BTBD9: variants seen among roughly 807,000 people sequenced by gnomAD.
BTBD9 encodes BTB domain containing 9.
In BTBD9, 49 loss-of-function variants were observed where a neutral mutation model predicts 64.3. The ratio of observed to expected loss-of-function variants is 0.76; its 90% CI spans 0.61 to 0.97. The LOEUF (loss-of-function observed/expected upper bound fraction) is 0.97, where lower values mean the gene tolerates loss of function less well. Ranked by LOEUF, BTBD9 falls within the 50% of genes least tolerant of loss-of-function variation. The pLI, the probability that BTBD9 is intolerant of heterozygous loss-of-function variation, is 0.00. For synonymous variants in BTBD9, 260 were observed against 274.7 expected (o/e 0.95, Z 0.53); for missense variants, 598 against 762.1 (o/e 0.78, Z 2.53).
intron 6 of BTBD9, among the ~76,000 whole-genome samples, chr6:38,480,974 C>A (rs2127380351): frequency 6.6e-6 from 1 of 152,288 alleles, no homozygotes; most frequent in Middle Eastern, 3.4e-3. Flanking sequence ...AAATTCCCTT[C>A]TTTTAAAAAT....
chr6:38,500,708 G>A (rs976869918), intron 6 of BTBD9, among the ~76,000 whole-genome samples: 26 of 152,300 alleles, frequency 1.7e-4, no homozygotes, highest in African/African-American at 5.1e-4. Context: ...CCCCGGAAGC[G>A]CATGCATGAA....
intron 6 of BTBD9, among the ~76,000 whole-genome samples, chr6:38,511,138 T>C (rs1174023430): frequency 1.3e-5 from 2 of 152,146 alleles, no homozygotes; most frequent in African/African-American, 4.8e-5. Flanking sequence ...GTTGTATATG[T>C]GACTTGCTGT....
At chr6:38,557,015 C>CAAAAAAAAAAAAAAAAAAAA (rs397888418) in intron 6 of BTBD9, among the ~76,000 whole-genome samples, 1 of 15,408 alleles carries the variant, frequency 6.5e-5, no homozygotes, top group Non-Finnish European at 1.2e-4. Flanking sequence ...TCCATCTCAC[C>CAAAAAAAAAAAAAAAAAAAA]AAAAAAAAAA....
Position 38,288,257 on chromosome 6 carries a change from G to GA in BTBD9, c.1454+14dup. 6.2e-7 allele frequency: 1 copy of GA among 1,601,036 alleles called. No homozygotes were observed. Among genetic ancestry groups the GA allele is most frequent in the Non-Finnish European group, 8.5e-7 (1 of 1,170,298 alleles). On this transcript the variant is annotated intron_variant, in intron 8 of 10. Transcript: ENST00000481247. ...TTCCATTTTAAAACTTATGAATGAG[G>GA]AGGAATCTTCTTACCGTATTGACCC...
At chr6:38,583,083 A>G (rs1776365448) in intron 4 of BTBD9, among the ~76,000 whole-genome samples, 1 of 152,238 alleles carries the variant, frequency 6.6e-6, no homozygotes, top group South Asian at 2.1e-4. Flanking sequence ...TCAATGATGC[A>G]TAACTACTTG....
intron 7 of BTBD9, among the ~76,000 whole-genome samples, chr6:38,303,855 A>G (rs1205401388): frequency 8.5e-6 from 1 of 118,196 alleles, no homozygotes; most frequent in South Asian, 2.7e-4. Context: ...ATATATATAT[A>G]TATATATATA....
chr6:38,329,570 G>T (rs531874099), intron 7 of BTBD9, among the ~76,000 whole-genome samples: 1 of 151,910 alleles, frequency 6.6e-6, no homozygotes. Flanking sequence ...TGATCTGCCC[G>T]ATTTGGCCTC....
At chr6:38,546,437 G>A (rs1379184447) in intron 6 of BTBD9, among the ~76,000 whole-genome samples, 2 of 152,084 alleles carry the variant, frequency 1.3e-5, no homozygotes, top group East Asian at 1.9e-4. Context: ...TATACATGGT[G>A]ATTTTTTTAA....
At chr6:38,353,760 C>T (rs1305157141) in intron 6 of BTBD9, among the ~76,000 whole-genome samples, 1 of 152,098 alleles carries the variant, frequency 6.6e-6, no homozygotes, top group Admixed American at 6.5e-5. Flanking sequence ...TGCGTTTCCA[C>T]GAATGTAGAC....
intron 6 of BTBD9, among the ~76,000 whole-genome samples, chr6:38,560,702 T>C (rs765427805): frequency 2.6e-5 from 4 of 152,162 alleles, no homozygotes; most frequent in Non-Finnish European, 5.9e-5. Flanking sequence ...TAGTACCCAA[T>C]AGCTATTTTT....
intron 5 of BTBD9, among the ~76,000 whole-genome samples, chr6:38,578,050 G>C (rs1290249388): frequency 6.6e-6 from 1 of 152,110 alleles, no homozygotes; most frequent in East Asian, 1.9e-4. Context: ...ACATGGTCAG[G>C]ATGTCTCACC....
chr6:38,322,040 A>G (rs1763257258), intron 7 of BTBD9, among the ~76,000 whole-genome samples: 1 of 151,988 alleles, frequency 6.6e-6, no homozygotes, highest in Non-Finnish European at 1.5e-5. Flanking sequence ...AGTATATGAG[A>G]CAAAATGGTA....
chr6:38,176,756 A>G (rs1761275488), intron 10 of BTBD9, among the ~76,000 whole-genome samples: 1 of 152,108 alleles, frequency 6.6e-6, no homozygotes, highest in Admixed American at 6.5e-5. Flanking sequence ...CCTCTAGGTG[A>G]CAACCATTAA....
chr6:38,632,369 C>A lies in BTBD9; in HGVS notation c.-28+7431G>T, dbSNP rs77287407. 6.3e-3 allele frequency among the ~76,000 whole-genome samples: 960 copies of A among 152,076 alleles called. 9 individuals are homozygous for A. The highest frequency in any genetic ancestry group is 0.022 in the African/African-American group (900 of 41,476). On this transcript the variant is annotated intron_variant, in intron 1 of 10. Transcript: ENST00000481247. ...TTAGTCAAACTGCAAGGAATGAAAACCTTGCAAGTCAGAATAACTACACTG... is the reference window on the plus strand; with the variant it reads ...TTAGTCAAACTGCAAGGAATGAAAAACTTGCAAGTCAGAATAACTACACTG...
At chr6:38,193,844 T>C in intron 9 of BTBD9, 1 of 985,434 alleles carries the variant, frequency 1.0e-6, no homozygotes, top group Non-Finnish European at 1.2e-6. Context: ...AGGTGTTCCA[T>C]CTTCCCTCTC....
At chr6:38,384,607 C>T (rs1183851003) in intron 6 of BTBD9, among the ~76,000 whole-genome samples, 5 of 152,268 alleles carry the variant, frequency 3.3e-5, no homozygotes, top group Middle Eastern at 6.8e-3. Flanking sequence ...CTAAGAGTCA[C>T]ATAATAAGGA....
intron 6 of BTBD9, among the ~76,000 whole-genome samples, chr6:38,550,243 C>T (rs1395508793): frequency 6.6e-6 from 1 of 152,132 alleles, no homozygotes; most frequent in Non-Finnish European, 1.5e-5. Context: ...TTATCTCAGT[C>T]TAACATAGTT....
intron 7 of BTBD9, among the ~76,000 whole-genome samples, chr6:38,339,221 T>C (rs1764012945): frequency 6.6e-6 from 1 of 152,212 alleles, no homozygotes; most frequent in Non-Finnish European, 1.5e-5. Context: ...GGTTCATCAA[T>C]AGAAAACTGT....
intron 6 of BTBD9, among the ~76,000 whole-genome samples, chr6:38,562,743 T>A: frequency 6.6e-6 from 1 of 152,206 alleles, no homozygotes; most frequent in East Asian, 1.9e-4. Context: ...TTGATGGGCA[T>A]TTTGGTAGTT....
Sources: gnomAD v4.1 joint callset for allele counts (sites outside exome capture counted in the v4.1 genomes callset) on GRCh38, gnomAD v4.1.1 for gene constraint, MANE v1.5 for transcripts, NCBI Gene and HGNC (gene_info 2026-07-23, HGNC 2026-07-21) for gene names.